BTBD9: variants seen among roughly 807,000 people sequenced by gnomAD.
BTBD9 encodes the protein BTB domain containing 9, also known as BTB/POZ domain-containing protein 9.
A neutral mutation model predicts 64.3 loss-of-function variants in BTBD9; 49 were observed. The ratio of observed to expected loss-of-function variants is 0.76; its 90% CI spans 0.61 to 0.97. The LOEUF is 0.97. BTBD9 is among the 50% of genes least tolerant of loss of function. BTBD9 has a pLI of 0.00. For missense variants in BTBD9, 598 were observed against 762.1 expected, an observed-to-expected ratio of 0.78 and a Z score of 2.53; for synonymous variants, 260 against 274.7, an observed-to-expected ratio of 0.95 and a Z score of 0.53.
chr6:38,446,568 G>A (rs980384534), intron 6 of BTBD9, among the ~76,000 whole-genome samples: 4 of 152,024 alleles, frequency 2.6e-5, no homozygotes, highest in Non-Finnish European at 4.4e-5. Context: ...ATGTCCACTC[G>A]TATTTCCCAT....
At chr6:38,625,391 G>T (rs771083798) in intron 1 of BTBD9, among the ~76,000 whole-genome samples, 3 of 152,118 alleles carry the variant, frequency 2.0e-5, no homozygotes, top group Non-Finnish European at 4.4e-5. Context: ...AATCTTGCAG[G>T]TAGCTACTTG....
At chr6:38,222,279 T>G (rs895592113) in intron 9 of BTBD9, among the ~76,000 whole-genome samples, 2 of 147,374 alleles carry the variant, frequency 1.4e-5, no homozygotes, top group African/African-American at 5.0e-5. Context: ...TTTTTTTTTT[T>G]TGAGACAGTC....
intron 1 of BTBD9, among the ~76,000 whole-genome samples, chr6:38,634,925 C>T (rs542443210): frequency 1.3e-5 from 2 of 152,314 alleles, no homozygotes; most frequent in African/African-American, 2.4e-5. Context: ...TCTTATTCTT[C>T]TCTAAACTAT....
intron 6 of BTBD9, among the ~76,000 whole-genome samples, chr6:38,510,051 A>G: frequency 6.6e-6 from 1 of 152,236 alleles, no homozygotes; most frequent in East Asian, 1.9e-4. Flanking sequence ...AAAAACACAC[A>G]AACTCCACAG....
intron 10 of BTBD9, among the ~76,000 whole-genome samples, chr6:38,188,092 C>G (rs1055089621): frequency 6.6e-6 from 1 of 152,234 alleles, no homozygotes; most frequent in Non-Finnish European, 1.5e-5. Context: ...AAATCCCAGT[C>G]CGCCTTAGCT....
intron 10 of BTBD9, among the ~76,000 whole-genome samples, chr6:38,188,785 T>C (rs923398776): frequency 2.0e-5 from 3 of 152,096 alleles, no homozygotes; most frequent in African/African-American, 7.2e-5. Flanking sequence ...GAAACCCCCG[T>C]GATGGGATTG....
intron 9 of BTBD9, among the ~76,000 whole-genome samples, chr6:38,226,682 G>A (rs892992614): frequency 6.6e-6 from 1 of 152,356 alleles, no homozygotes; most frequent in East Asian, 1.9e-4. Flanking sequence ...TCAAACCTGA[G>A]ATTTGGGCAT....
chr6:38,259,331 T>A (rs183788960), intron 8 of BTBD9, among the ~76,000 whole-genome samples: 1 of 152,352 alleles, frequency 6.6e-6, no homozygotes, highest in African/African-American at 2.4e-5. Context: ...CAGTTTAGTA[T>A]CACATATAAA....
At chr6:38,446,589 A>G (rs1769287985) in intron 6 of BTBD9, among the ~76,000 whole-genome samples, 1 of 152,172 alleles carries the variant, frequency 6.6e-6, no homozygotes, top group African/African-American at 2.4e-5. Context: ...TGTTTCATGG[A>G]ACGACCCTAG....
chr6:38,270,570 G>C (rs1301254230), intron 8 of BTBD9, among the ~76,000 whole-genome samples: 1 of 152,158 alleles, frequency 6.6e-6, no homozygotes, highest in Admixed American at 6.5e-5. Context: ...GAGTGTTTGG[G>C]TGTCAGGGGC....
At chr6:38,615,916 G>T (rs527739065) in intron 1 of BTBD9, among the ~76,000 whole-genome samples, 1 of 152,190 alleles carries the variant, frequency 6.6e-6, no homozygotes, top group East Asian at 1.9e-4. Context: ...AGGCAGAAAT[G>T]TAAGATGGCA....
At chr6:38,426,236 G>T (rs1768141653) in intron 6 of BTBD9, among the ~76,000 whole-genome samples, 1 of 151,800 alleles carries the variant, frequency 6.6e-6, no homozygotes, top group African/African-American at 2.4e-5. Flanking sequence ...TTAAACACGG[G>T]GCTTGCAACT....
At chr6:38,438,953 C>T (rs1768887699) in intron 6 of BTBD9, among the ~76,000 whole-genome samples, 1 of 152,042 alleles carries the variant, frequency 6.6e-6, no homozygotes, top group African/African-American at 2.4e-5. Context: ...ACAGAGGGGA[C>T]AGCAAGTCCT....
intron 7 of BTBD9, among the ~76,000 whole-genome samples, chr6:38,316,204 T>C (rs568174214): frequency 6.6e-6 from 1 of 152,228 alleles, no homozygotes. Flanking sequence ...TTTCTTTATA[T>C]GTGAAGTGTG....
intron 7 of BTBD9, among the ~76,000 whole-genome samples, chr6:38,315,306 C>CT (rs1237509620): frequency 6.6e-6 from 1 of 152,170 alleles, no homozygotes; most frequent in Non-Finnish European, 1.5e-5. Context: ...TTTATTCTCT[C>CT]TTTTCTTCTA....
chr6:38,618,617 G>C (rs910615284), intron 1 of BTBD9, among the ~76,000 whole-genome samples: 1 of 152,088 alleles, frequency 6.6e-6, no homozygotes, highest in East Asian at 1.9e-4. Flanking sequence ...CAAGCTGTAG[G>C]GGGAGGGGAA....
At chr6:38,208,321 G>T (rs948958600) in intron 9 of BTBD9, among the ~76,000 whole-genome samples, 2 of 152,146 alleles carry the variant, frequency 1.3e-5, no homozygotes, top group Non-Finnish European at 2.9e-5. Flanking sequence ...TGACCCCACA[G>T]CTGCCCACTG....
chr6:38,443,036 G>C (rs1313112574), intron 6 of BTBD9, among the ~76,000 whole-genome samples: 1 of 152,146 alleles, frequency 6.6e-6, no homozygotes, highest in Non-Finnish European at 1.5e-5. Context: ...ACTCAAGCTA[G>C]ACAGAATCAT....
At chr6:38,507,299 G>C (rs1266106704) in intron 6 of BTBD9, among the ~76,000 whole-genome samples, 1 of 152,180 alleles carries the variant, frequency 6.6e-6, no homozygotes, top group African/African-American at 2.4e-5. Context: ...GTAACACAGA[G>C]TGTGTCTCAC....
Sources: gnomAD v4.1 joint callset for allele counts (sites outside exome capture counted in the v4.1 genomes callset) on GRCh38, gnomAD v4.1.1 for gene constraint, MANE v1.5 for transcripts, NCBI Gene and HGNC (gene_info 2026-07-23, HGNC 2026-07-21) for gene names.